The following RADX variants were observed in gnomAD, a reference collection of about 807,000 sequenced individuals.
RADX encodes RPA1 related single stranded DNA binding protein, X-linked.
In RADX, 36 loss-of-function variants were observed where a neutral mutation model predicts 61.6. That is an observed-to-expected ratio of 0.58 (90% CI 0.45 to 0.77). The LOEUF is 0.77. Ranked by LOEUF, RADX falls within the 30% of genes least tolerant of loss-of-function variation. RADX has a pLI of 0.00. For synonymous variants in RADX, 272 were observed against 237.9 expected, an observed-to-expected ratio of 1.14 and a Z score of -1.32; for missense variants, 497 against 651.1, an observed-to-expected ratio of 0.76 and a Z score of 2.58.
intron 12 of RADX, among the ~76,000 whole-genome samples, chrX:106,665,605 A>C (rs778775481): frequency 9.1e-6 from 1 of 109,857 alleles, no homozygotes; most frequent in African/African-American, 3.3e-5. Context: ...GACTGCCTAA[A>C]CCAATTCAGG....
At chrX:106,646,116 A>G (rs529833584) in intron 10 of RADX, among the ~76,000 whole-genome samples, 10 of 111,234 alleles carry the variant, frequency 9.0e-5, no homozygotes, top group East Asian at 8.4e-4. Context: ...TGATATAAAG[A>G]TAGCTACTCC....
At chrX:106,627,552 C>A (rs1209400543) in intron 3 of RADX, among the ~76,000 whole-genome samples, 3 of 110,509 alleles carry the variant, frequency 2.7e-5, no homozygotes, top group African/African-American at 9.9e-5. Flanking sequence ...GCGATAGATC[C>A]CTAAGACATT....
At chrX:106,657,514 A>C (rs1489218295) in intron 11 of RADX, among the ~76,000 whole-genome samples, 2 of 112,300 alleles carry the variant, frequency 1.8e-5, no homozygotes, top group Non-Finnish European at 3.8e-5. Context: ...TTTTCAGCCT[A>C]TCTTGTTTTT....
intron 1 of RADX, among the ~76,000 whole-genome samples, chrX:106,620,869 G>A (rs1468599597): frequency 2.7e-5 from 3 of 111,754 alleles, no homozygotes; most frequent in South Asian, 7.5e-4. Context: ...TCTGTAAACA[G>A]CCTCTAATTC....
intron 7 of RADX, 86 bp from the exon 8 acceptor site, chrX:106,637,674 C>T: frequency 3.7e-6 from 3 of 808,818 alleles, no homozygotes; most frequent in Non-Finnish European, 5.2e-6. Context: ...TAATAGTAAA[C>T]TGTTTTTACA....
chrX:106,627,837 T>G (rs940098326), intron 3 of RADX, among the ~76,000 whole-genome samples: 1 of 111,352 alleles, frequency 9.0e-6, no homozygotes, highest in Non-Finnish European at 1.9e-5. Flanking sequence ...TTTTATTTAT[T>G]TATTTATTTA....
Position 106,622,728 on chromosome X carries a change from A to C in RADX, c.721A>C (p.Ile241Leu). Residue 241 changes from isoleucine (I) to leucine (L), a missense_variant, in exon 2 of 14, where the codon ATC (isoleucine) becomes CTC (leucine). By Grantham distance (5) the Ile-to-Leu change is conservative. Around this residue, in one of 3 missense-constraint regions of RADX, gnomAD observed 196 missense variants for 315.0 expected, o/e 0.62. Transcript: ENST00000372548. ...AAATTTTCCTGCATTGCTTGTGAGG[A>C]TCTTACATAAATCAAAACTGCGATA... ...RRNFPALLVRILHKSKLRYYG... is the reference protein window; with the variant it reads ...RRNFPALLVRLLHKSKLRYYG... 1 of 1,201,708 alleles carries C rather than the reference A, an allele frequency of 8.3e-7. No homozygotes were observed. The highest frequency in any genetic ancestry group is 1.1e-6 in the Non-Finnish European group (1 of 890,646).
At chrX:106,648,515 C>T in intron 11 of RADX, 129 bp downstream of exon 11, 1 of 447,864 alleles carries the variant, frequency 2.2e-6, no homozygotes, top group South Asian at 4.7e-5. Flanking sequence ...GTAATATTAG[C>T]TTAGGTCACT....
At chrX:106,667,859 T>G (rs1461272177) in intron 12 of RADX, among the ~76,000 whole-genome samples, 2 of 111,690 alleles carry the variant, frequency 1.8e-5, no homozygotes, top group Non-Finnish European at 3.8e-5. Flanking sequence ...AATGCAGTGT[T>G]TTCTTTTTAT....
intron 11 of RADX, among the ~76,000 whole-genome samples, chrX:106,651,965 T>G (rs1269867425): frequency 9.1e-6 from 1 of 110,490 alleles, no homozygotes; most frequent in Non-Finnish European, 1.9e-5. Context: ...GAAGATTACT[T>G]GAGGCCAGGA....
chrX:106,660,530 G>T (rs181411605), intron 11 of RADX, among the ~76,000 whole-genome samples: 3 of 112,105 alleles, frequency 2.7e-5, no homozygotes, highest in Admixed American at 9.5e-5. Flanking sequence ...GCCACCTTCT[G>T]CCTCAGCAAG....
chrX:106,670,637 TG>T (rs1313147457), intron 13 of RADX, among the ~76,000 whole-genome samples: 2 of 107,424 alleles, frequency 1.9e-5, no homozygotes, highest in Non-Finnish European at 3.8e-5. Context: ...AATAATAATA[TG>T]TATAATATAA....
chrX:106,616,264 A>G (rs898253753), intron 1 of RADX, among the ~76,000 whole-genome samples: 7 of 111,657 alleles, frequency 6.3e-5, no homozygotes, highest in African/African-American at 2.3e-4. Context: ...CTTGTCAATC[A>G]TGACTCTTTT....
At chrX:106,673,729 T>G (rs1008887447) in intron 13 of RADX, among the ~76,000 whole-genome samples, 6 of 100,458 alleles carry the variant, frequency 6.0e-5, no homozygotes, top group African/African-American at 2.3e-4. Flanking sequence ...CTGAGTCCAG[T>G]TCAGCACTAG....
At chrX:106,662,535 G>C (rs766183705) in intron 12 of RADX, among the ~76,000 whole-genome samples, 1 of 110,020 alleles carries the variant, frequency 9.1e-6, no homozygotes, top group East Asian at 2.9e-4. Context: ...AGAAGAATGG[G>C]AGAACTAAGG....
intron 11 of RADX, among the ~76,000 whole-genome samples, chrX:106,656,363 G>C (rs957113474): frequency 9.0e-6 from 1 of 111,514 alleles, no homozygotes; most frequent in Admixed American, 9.6e-5. Flanking sequence ...ATGGGGTTTG[G>C]AATCAATTTC....
chrX:106,626,945 A>G (rs750438058), intron 3 of RADX, among the ~76,000 whole-genome samples: 1 of 112,002 alleles, frequency 8.9e-6, no homozygotes, highest in Non-Finnish European at 1.9e-5. Context: ...TGCAGGCCAT[A>G]TGGTCTCTGT....
Position 106,639,688 on chromosome X carries a change from G to T in RADX, c.1734+1G>T. On this transcript the variant is annotated splice_donor_variant, in intron 9 of 13. Transcript: ENST00000372548. LOFTEE classifies it high-confidence loss of function. ...TGCCTCAGCATCAGAAACACTTCGG[G>T]TATGGTGCCAGAGAATTAATAGTAT... 8.5e-7 allele frequency: 1 copy of T among 1,169,899 alleles called. No individual in the cohort carries two copies. Among genetic ancestry groups the T allele is most frequent in the Non-Finnish European group, 1.1e-6 (1 of 872,604 alleles).
intron 13 of RADX, among the ~76,000 whole-genome samples, chrX:106,670,919 G>A: frequency 9.0e-6 from 1 of 111,082 alleles, no homozygotes; most frequent in Non-Finnish European, 1.9e-5. Flanking sequence ...GTGTCTCATG[G>A]TATAATACTA....
Sources: allele counts gnomAD v4.1 joint callset (sites outside exome capture counted in the v4.1 genomes callset), GRCh38; gene constraint gnomAD v4.1.1; regional missense constraint gnomAD v4.1.1; transcripts MANE v1.5; gene names NCBI Gene and HGNC (gene_info 2026-07-23, HGNC 2026-07-21).